Variants in PCDHGA9 observed in about 807,000 individuals in gnomAD.
PCDHGA9 encodes the protein protocadherin gamma subfamily A, 9.
A neutral mutation model predicts 62.5 loss-of-function variants in PCDHGA9; 37 were observed. The ratio of observed to expected loss-of-function variants is 0.59; its 90% CI spans 0.46 to 0.78. The LOEUF (loss-of-function observed/expected upper bound fraction) is 0.78, where lower values mean the gene tolerates loss of function less well. PCDHGA9 is among the 30% of genes least tolerant of loss of function. The pLI, the probability that PCDHGA9 is intolerant of heterozygous loss-of-function variation, is 0.00. For missense variants in PCDHGA9, 1,138 were observed against 1,166.2 expected (o/e 0.98, Z 0.35); for synonymous variants, 459 against 484.6 (o/e 0.95, Z 0.69).
At chr5:141,415,504 C>A in intron 1 of PCDHGA9, 2 of 1,614,216 alleles carry the variant, frequency 1.2e-6, no homozygotes, top group Non-Finnish European at 1.7e-6. Context: ...CTTCCCCCAG[C>A]CCAATTATGC....
At chr5:141,414,352 T>C in intron 1 of PCDHGA9, 8 of 1,613,968 alleles carry the variant, frequency 5.0e-6, no homozygotes, top group Non-Finnish European at 6.8e-6. Flanking sequence ...CATTTTGGCG[T>C]ATCTACCATT....
rs2099745664 is a variant in PCDHGA9 at position 141,493,015 on chromosome 5, T to A, written c.2425-1792T>A. Among the ~76,000 whole-genome samples, 1 of 152,238 alleles carries A rather than the reference T, an allele frequency of 6.6e-6. No homozygotes were observed. The highest frequency in any genetic ancestry group is 1.5e-5 in the Non-Finnish European group (1 of 68,040). ...ATGGAAAGCTATAGGCTCTGCCAGA[T>A]GCCAGGGTGCCCTTATGTGTGAGGA... On this transcript the variant is annotated intron_variant, in intron 1 of 3. Transcript: ENST00000573521. The surrounding 1 kb of genome is among the most constrained non-coding windows in gnomAD (Gnocchi z 4.3).
chr5:141,421,736 G>A lies in PCDHGA9; in HGVS notation c.2424+16360G>A, dbSNP rs767237323. 5.3e-5 allele frequency: 86 copies of A among 1,613,810 alleles called. No individual in the cohort carries two copies. The highest frequency in any genetic ancestry group is 6.9e-5 in the Non-Finnish European group (82 of 1,179,858). Reference sequence around the variant, plus strand: ...GATGTGGGCGTGAACTCCCTCCAGAGCTACCAGCTCAGCCCTAATAATTAC... The same window carrying A: ...GATGTGGGCGTGAACTCCCTCCAGAACTACCAGCTCAGCCCTAATAATTAC... On this transcript the variant is annotated intron_variant, in intron 1 of 3. Transcript: ENST00000573521.
intron 1 of PCDHGA9, chr5:141,427,830 C>G (rs749612858): frequency 7.8e-6 from 12 of 1,538,206 alleles, no homozygotes; most frequent in Non-Finnish European, 1.1e-5. Context: ...GGTCGCGCAG[C>G]GTGCCTTCGA....
At chr5:141,408,857 G>A (rs372861749) in intron 1 of PCDHGA9, 4 of 1,613,542 alleles carry the variant, frequency 2.5e-6, no homozygotes, top group Non-Finnish European at 3.4e-6. Flanking sequence ...GGACGGAGGG[G>A]ACCCACCAAG....
chr5:141,487,818 G>T lies in PCDHGA9; in HGVS notation c.2425-6989G>T, dbSNP rs1009237001. The T allele has an allele frequency of 1.2e-5, 16 of 1,331,602 alleles. No homozygotes were observed. Among genetic ancestry groups the T allele is most frequent in the Non-Finnish European group, 1.4e-5 (14 of 970,528 alleles). The allele number at this position is 1,331,602 out of a possible 1,614,324, so 82.5% of individuals were successfully genotyped here. On this transcript the variant is annotated intron_variant, in intron 1 of 3. Transcript: ENST00000573521. This position sits in a 1 kb window ranked among gnomAD's most constrained non-coding sequence, Gnocchi z 5.0. Reference sequence around the variant, plus strand: ...GAGTTGTCACAGTTTAGCATTGGGGGCGGGTCATGCCTATATCTGAGTAAG... The same window carrying T: ...GAGTTGTCACAGTTTAGCATTGGGGTCGGGTCATGCCTATATCTGAGTAAG...
intron 1 of PCDHGA9, among the ~76,000 whole-genome samples, chr5:141,481,728 C>T (rs529419213): frequency 2.1e-4 from 32 of 152,032 alleles, no homozygotes; most frequent in African/African-American, 7.2e-4. Flanking sequence ...CGGAGGCGGG[C>T]GGATCACGAG....
intron 1 of PCDHGA9, among the ~76,000 whole-genome samples, chr5:141,450,467 T>C (rs997813636): frequency 9.2e-5 from 14 of 151,944 alleles, no homozygotes; most frequent in African/African-American, 3.2e-4. Flanking sequence ...ATTTTATATA[T>C]AGAGTTTGTT....
rs773048793 is a variant in PCDHGA9, at chr5:141,505,456, A to T, written c.2547A>T (p.Gln849His). The T allele has an allele frequency of 1.3e-5, 21 of 1,614,110 alleles. No homozygotes were observed. The highest frequency in any genetic ancestry group is 1.7e-5 in the Non-Finnish European group (20 of 1,180,044). The change falls in exon 3 of 4, where the codon CAA becomes CAT. Residue 849 changes from glutamine (Q) to histidine (H), a missense_variant. By Grantham distance (24) the Gln-to-His change is conservative (BLOSUM62 0). Coordinates refer to ENST00000573521, the MANE Select transcript of PCDHGA9 (RefSeq NM_018921.3). ...ACCAGTTTGACACAGAGATGCTGCA[A>T]GCCATGATCTTGGCGTCCGCCAGTG... ...PNNQFDTEML[Q>H]AMILASASEA...
intron 1 of PCDHGA9, chr5:141,426,302 A>G (rs1590676929): frequency 1.2e-5 from 2 of 172,322 alleles, no homozygotes; most frequent in East Asian, 1.4e-4. Context: ...AACAGGGTGA[A>G]GCAGAGAAGC....
At position 141,409,955 on chromosome 5, in the gene PCDHGA9, G is replaced by A. The variant is rs946959934; in HGVS notation, c.2424+4579G>A. On this transcript the variant is annotated intron_variant, in intron 1 of 3. Coordinates refer to ENST00000573521, the MANE Select transcript of PCDHGA9 (RefSeq NM_018921.3). ...TATGGTACCTCGCTCTGCAGAGCCC[G>A]GCTACCTAGTGACTAAGGTGGTAGC... is the stretch of plus-strand genomic sequence containing the variant. The A allele has an allele frequency of 2.8e-5, 45 of 1,613,234 alleles. No individual in the cohort carries two copies. The highest frequency in any genetic ancestry group is 3.6e-5 in the Non-Finnish European group (42 of 1,179,814).
intron 2 of PCDHGA9, among the ~76,000 whole-genome samples, chr5:141,496,078 CCCCACCCACCA>C (rs1204698458): frequency 6.6e-6 from 1 of 152,016 alleles, no homozygotes; most frequent in Non-Finnish European, 1.5e-5. Context: ...ACACACAACC[CCCCACCCACCA>C]CCCACCAACA....
chr5:141,475,741 G>C (rs1455125695), intron 1 of PCDHGA9, among the ~76,000 whole-genome samples: 1 of 152,268 alleles, frequency 6.6e-6, no homozygotes, highest in Non-Finnish European at 1.5e-5. Flanking sequence ...CCCTAAGGTA[G>C]GTTTCCTATG....
rs771744120 is a variant in PCDHGA9 at position 141,485,876 on chromosome 5, G to A, written c.2425-8931G>A. ...AGAGCTCCGGGTATCCGTGCTGGAC[G>A]TAAACGACAACGCCCCAGCCTTCCA... On this transcript the variant is annotated intron_variant, in intron 1 of 3. Transcript: ENST00000573521. This position sits in a 1 kb window ranked among gnomAD's most constrained non-coding sequence, Gnocchi z 5.7. 1 of 1,614,174 alleles carries A rather than the reference G, an allele frequency of 6.2e-7. No homozygotes were observed. Among genetic ancestry groups the A allele is most frequent in the Non-Finnish European group, 8.5e-7 (1 of 1,180,030 alleles).
chr5:141,456,263 T>C (rs2098847567), intron 1 of PCDHGA9, among the ~76,000 whole-genome samples: 2 of 152,292 alleles, frequency 1.3e-5, no homozygotes, highest in South Asian at 2.1e-4. Flanking sequence ...CCATTGCTTC[T>C]GGCTACTTCC....
intron 1 of PCDHGA9, chr5:141,413,400 G>C: frequency 6.2e-7 from 1 of 1,614,060 alleles, no homozygotes; most frequent in Non-Finnish European, 8.5e-7. Context: ...CCAGAGGTAG[G>C]ACGCAGCTTT....
Position 141,431,485 on chromosome 5 carries a change from T to G in PCDHGA9, c.2424+26109T>G. 2 of 1,613,924 alleles carry G rather than the reference T, an allele frequency of 1.2e-6. No individual in the cohort carries two copies. Among genetic ancestry groups the G allele is most frequent in the Non-Finnish European group, 1.7e-6 (2 of 1,179,990 alleles). ...ATGCGAACGACAACGCACCAGCGTTTGCTCAGCCCGAGTACCGCGCGAGCG... is the reference window on the plus strand; with the variant it reads ...ATGCGAACGACAACGCACCAGCGTTGGCTCAGCCCGAGTACCGCGCGAGCG... On this transcript the variant is annotated intron_variant, in intron 1 of 3. Coordinates refer to ENST00000573521, the MANE Select transcript of PCDHGA9 (RefSeq NM_018921.3). This position sits in a 1 kb window ranked among gnomAD's most constrained non-coding sequence, Gnocchi z 4.8.
intron 1 of PCDHGA9, chr5:141,409,769 G>C (rs1413636372): frequency 1.2e-6 from 2 of 1,612,776 alleles, no homozygotes; most frequent in Non-Finnish European, 1.7e-6. Context: ...CTTTGATCAC[G>C]AGCAGCTGCG....
At position 141,489,049 on chromosome 5, in the gene PCDHGA9, T is replaced by G; in HGVS notation, c.2425-5758T>G. 2.1e-6 allele frequency: 1 copy of G among 477,660 alleles called. No homozygotes were observed. Among genetic ancestry groups the G allele is most frequent in the Non-Finnish European group, 3.7e-6 (1 of 272,910 alleles). 29.6% of individuals were successfully genotyped at this position (477,660 alleles called of 1,614,324 possible). On this transcript the variant is annotated intron_variant, in intron 1 of 3. Transcript: ENST00000573521. The surrounding 1 kb of genome is among the most constrained non-coding windows in gnomAD (Gnocchi z 4.5). ...CTCCAGCTCCCCAGCTCCACTCAAA[T>G]TCAGCTCCCCTCCCCCCTGCCCACC... is the stretch of plus-strand genomic sequence containing the variant.
Sources: allele counts gnomAD v4.1 joint callset (sites outside exome capture counted in the v4.1 genomes callset), GRCh38; gene constraint gnomAD v4.1.1; non-coding constraint Gnocchi (gnomAD v3.1); transcripts MANE v1.5; gene names NCBI Gene and HGNC (gene_info 2026-07-23, HGNC 2026-07-21).